PTPRK: variants seen among roughly 807,000 people sequenced by gnomAD.
The protein encoded by PTPRK is receptor-type tyrosine-protein phosphatase kappa.
Under a neutral mutation model 178.0 loss-of-function variants are expected in PTPRK, and 75 were observed. That is an observed-to-expected ratio of 0.42 (90% CI 0.35 to 0.51). The LOEUF is 0.51. PTPRK is among the 20% of genes least tolerant of loss of function. The probability of loss-of-function intolerance (pLI) is 0.02; values close to 1 mark genes in which losing one functional copy is unlikely to be tolerated. For synonymous variants in PTPRK, 637 were observed against 620.6 expected (o/e 1.03, Z -0.39); for missense variants, 1,441 against 1,797.8 (o/e 0.80, Z 3.59).
chr6:128,351,499 A>G (rs1361072190), intron 2 of PTPRK, among the ~76,000 whole-genome samples: 8 of 152,210 alleles, frequency 5.3e-5, no homozygotes, highest in Non-Finnish European at 1.2e-4. Flanking sequence ...TCAGTTTCTC[A>G]TGTAATTTTC....
intron 2 of PTPRK, among the ~76,000 whole-genome samples, chr6:128,388,016 T>C (rs889428316): frequency 6.6e-6 from 1 of 152,058 alleles, no homozygotes; most frequent in East Asian, 1.9e-4. Context: ...TTGGGCCATA[T>C]GCAAAGCTAT....
chr6:128,083,185 A>G (rs2115002026), intron 9 of PTPRK, among the ~76,000 whole-genome samples: 1 of 152,240 alleles, frequency 6.6e-6, no homozygotes, highest in East Asian at 1.9e-4. Context: ...ACATTTGTGT[A>G]ACTTAAATGA....
At chr6:128,394,991 T>C (rs1840096245) in intron 2 of PTPRK, among the ~76,000 whole-genome samples, 1 of 151,972 alleles carries the variant, frequency 6.6e-6, no homozygotes, top group Non-Finnish European at 1.5e-5. Context: ...ACATTTGGGG[T>C]TTTTTGTTTG....
chr6:128,030,627 G>A (rs1347071591), intron 13 of PTPRK, among the ~76,000 whole-genome samples: 1 of 152,134 alleles, frequency 6.6e-6, no homozygotes, highest in Non-Finnish European at 1.5e-5. Flanking sequence ...GCGTGACTCT[G>A]ACTGAAAATG....
chr6:128,134,858 A>G (rs1018223682), intron 7 of PTPRK, among the ~76,000 whole-genome samples: 1 of 152,076 alleles, frequency 6.6e-6, no homozygotes, highest in Non-Finnish European at 1.5e-5. Context: ...CTTTGAGTTA[A>G]CAGATTTCCC....
At chr6:128,510,831 T>G (rs1857066974) in intron 1 of PTPRK, among the ~76,000 whole-genome samples, 1 of 151,896 alleles carries the variant, frequency 6.6e-6, no homozygotes, top group Admixed American at 6.6e-5. Flanking sequence ...TCTTAAATAA[T>G]AATTATATAG....
intron 1 of PTPRK, among the ~76,000 whole-genome samples, chr6:128,424,722 TG>T (rs1354681795): frequency 1.3e-5 from 2 of 152,206 alleles, no homozygotes; most frequent in Non-Finnish European, 2.9e-5. Context: ...CTCAGGCTAC[TG>T]TATTGCTTTA....
At chr6:128,133,625 T>A (rs1794585270) in intron 7 of PTPRK, among the ~76,000 whole-genome samples, 1 of 152,176 alleles carries the variant, frequency 6.6e-6, no homozygotes, top group African/African-American at 2.4e-5. Flanking sequence ...AAAATTGGAT[T>A]TTTTGTGTGG....
At position 127,970,538 on chromosome 6, in the gene PTPRK, AT is replaced by A. The variant is rs377166834; in HGVS notation, c.4270-259del. Among the ~76,000 whole-genome samples the A allele has an allele frequency of 1.8e-3, 279 of 152,154 alleles. 1 individual carries two copies. Among genetic ancestry groups the A allele is most frequent in the East Asian group, 7.9e-3 (41 of 5,180 alleles). ...TCTATCAATTTTTTAAATATCTATAATTTTTTATCTGTTTATAATAGTAATA... is the reference window on the plus strand; with the variant it reads ...TCTATCAATTTTTTAAATATCTATAATTTTTATCTGTTTATAATAGTAATA... On this transcript the variant is annotated intron_variant, in intron 29 of 29. Coordinates refer to ENST00000368226, the MANE Select transcript of PTPRK (RefSeq NM_002844.4).
intron 7 of PTPRK, among the ~76,000 whole-genome samples, chr6:128,155,072 A>G (rs1044481845): frequency 1.3e-5 from 2 of 151,806 alleles, no homozygotes; most frequent in African/African-American, 4.8e-5. Flanking sequence ...GAGTATTAGT[A>G]CATCCTAGCA....
chr6:128,160,247 A>G (rs925098051), intron 7 of PTPRK, among the ~76,000 whole-genome samples: 1 of 151,738 alleles, frequency 6.6e-6, no homozygotes, highest in African/African-American at 2.4e-5. Flanking sequence ...ACCAAGGGGG[A>G]AACTGATTCT....
intron 6 of PTPRK, among the ~76,000 whole-genome samples, chr6:128,192,019 T>C (rs538985168): frequency 6.6e-6 from 1 of 152,176 alleles, no homozygotes; most frequent in South Asian, 2.1e-4. Context: ...AGTGAACTGA[T>C]AACAGTATTT....
chr6:128,227,777 G>A (rs988157486), intron 5 of PTPRK, among the ~76,000 whole-genome samples: 3 of 152,120 alleles, frequency 2.0e-5, no homozygotes, highest in Non-Finnish European at 4.4e-5. Flanking sequence ...TTACGGAAAT[G>A]ATTCATGAGA....
Position 128,155,895 on chromosome 6 carries a change from A to G in PTPRK, c.1162+28537T>C, listed in dbSNP as rs2114582188. ...AGAGTCACAAAAGTTTGGATAAATTAAAAAGTGCAAGATCAGTAATAAAAA... is the reference window on the plus strand; with the variant it reads ...AGAGTCACAAAAGTTTGGATAAATTGAAAAGTGCAAGATCAGTAATAAAAA... On this transcript the variant is annotated intron_variant, in intron 7 of 29. Coordinates refer to ENST00000368226, the MANE Select transcript of PTPRK (RefSeq NM_002844.4). Among the ~76,000 whole-genome samples, 2 of 152,056 alleles carry G rather than the reference A, an allele frequency of 1.3e-5. 1 individual carries two copies. The highest frequency in any genetic ancestry group is 4.1e-4 in the South Asian group (2 of 4,826).
chr6:128,130,107 A>G (rs892836458), intron 7 of PTPRK, among the ~76,000 whole-genome samples: 1 of 152,190 alleles, frequency 6.6e-6, no homozygotes, highest in Admixed American at 6.5e-5. Context: ...TTCAGATGAC[A>G]ATACTGCAGA....
chr6:128,013,749 T>G (rs996071785), intron 13 of PTPRK, among the ~76,000 whole-genome samples: 2 of 151,528 alleles, frequency 1.3e-5, no homozygotes, highest in African/African-American at 4.8e-5. Context: ...CTAAATATTC[T>G]TTGTCATCAC....
At chr6:128,330,117 A>T (rs552773062) in intron 2 of PTPRK, among the ~76,000 whole-genome samples, 2 of 152,328 alleles carry the variant, frequency 1.3e-5, no homozygotes, top group Admixed American at 1.3e-4. Context: ...GTGTAAAAAA[A>T]CTAAAGACAC....
intron 5 of PTPRK, chr6:128,238,208 G>GAAAAAAA: frequency 1.6e-5 from 4 of 252,894 alleles, no homozygotes; most frequent in South Asian, 2.9e-5. Flanking sequence ...AAAAAGAAAA[G>GAAAAAAA]AAAAAAAAAA....
intron 6 of PTPRK, among the ~76,000 whole-genome samples, chr6:128,206,711 G>C (rs188570265): frequency 3.0e-4 from 46 of 152,018 alleles, no homozygotes; most frequent in Non-Finnish European, 5.1e-4. Context: ...CTGATGTATT[G>C]CCAACTCATT....
Sources: allele counts gnomAD v4.1 joint callset (sites outside exome capture counted in the v4.1 genomes callset), GRCh38; gene constraint gnomAD v4.1.1; transcripts MANE v1.5; gene names NCBI Gene and HGNC (gene_info 2026-07-23, HGNC 2026-07-21).